MAST4: variants seen among roughly 807,000 people sequenced by gnomAD.
MAST4 encodes the protein microtubule associated serine/threonine kinase family member 4.
A neutral mutation model predicts 162.7 loss-of-function variants in MAST4; 89 were observed. The ratio of observed to expected loss-of-function variants is 0.55; its 90% CI spans 0.46 to 0.65. The LOEUF is 0.65. MAST4 is among the 30% of genes least tolerant of loss of function. The pLI is 0.00. For synonymous variants in MAST4, 1,479 were observed against 1,361.1 expected, an observed-to-expected ratio of 1.09 and a Z score of -1.91; for missense variants, 3,153 against 3,374.0, an observed-to-expected ratio of 0.93 and a Z score of 1.62.
rs1774324147 is a variant in MAST4 at position 67,168,830 on chromosome 5, G to C, written c.*1779G>C. 6.6e-6 allele frequency: 1 copy of C among 152,012 alleles called. No individual in the cohort carries two copies. The highest frequency in any genetic ancestry group is 2.4e-5 in the African/African-American group (1 of 41,366). The allele number at this position is 152,012 out of a possible 1,614,324, so 9.4% of individuals were successfully genotyped here. On this transcript the variant is annotated 3_prime_UTR_variant, in exon 29 of 29. Transcript: ENST00000403625. ...CTATAAACTCCACTCTGAAAACAAA[G>C]GCATAACTTAACCGACTGCTCAGTT... is the stretch of plus-strand genomic sequence containing the variant.
In MAST4 at chr5:67,142,117, G is replaced by A; in HGVS notation, c.2497G>A (p.Gly833Ser). ...QNPLERLGTG[G>S]AYEVKQHRFF... ...TGTCTCTACCTGCCCCCTTCCAGGT[G>A]GTGCATATGAAGTCAAACAGCATCG... Residue 833 changes from glycine (G) to serine (S), a missense_variant and splice_region_variant, in exon 20 of 29, where the codon GGT becomes AGT. Physicochemically the swap from Gly to Ser is moderately conservative, Grantham distance 56. Coordinates refer to ENST00000403625, the MANE Select transcript of MAST4 (RefSeq NM_001164664.2). The A allele has an allele frequency of 1.2e-6, 2 of 1,613,510 alleles. No individual in the cohort carries two copies. Among genetic ancestry groups the A allele is most frequent in the South Asian group, 1.1e-5 (1 of 91,050 alleles).
chr5:66,970,925 T>C (rs1326124084), intron 4 of MAST4, among the ~76,000 whole-genome samples: 2 of 152,206 alleles, frequency 1.3e-5, no homozygotes, highest in African/African-American at 2.4e-5. Flanking sequence ...TTTTCCAGTG[T>C]GATGCTCAAA....
intron 1 of MAST4, among the ~76,000 whole-genome samples, chr5:66,598,542 C>T (rs1045557554): frequency 2.6e-5 from 4 of 152,216 alleles, no homozygotes; most frequent in African/African-American, 9.6e-5. Flanking sequence ...TGATCAAACC[C>T]TGTACTGCCC....
chr5:66,647,435 G>A (rs77583119), intron 1 of MAST4, among the ~76,000 whole-genome samples: 2,902 of 151,986 alleles, frequency 0.019, 95 homozygotes, highest in African/African-American at 0.066. Flanking sequence ...TTTACCAAGT[G>A]ACAGTGGGTA....
chr5:67,095,496 A>T, intron 6 of MAST4, 101 bp from the exon 7 acceptor site: 2 of 817,554 alleles, frequency 2.4e-6, no homozygotes, highest in Non-Finnish European at 3.9e-6. Context: ...CTCACAGACT[A>T]TGTTTGTGTC....
chr5:67,134,407 G>T, intron 17 of MAST4, 116 bp from the exon 18 acceptor site: 2 of 731,380 alleles, frequency 2.7e-6, no homozygotes, highest in South Asian at 2.4e-5. Flanking sequence ...TTGTCCATGT[G>T]GTTCCATGTG....
intron 1 of MAST4, among the ~76,000 whole-genome samples, chr5:66,613,359 T>C (rs1353126672): frequency 6.6e-6 from 1 of 150,884 alleles, no homozygotes; most frequent in Admixed American, 6.6e-5. Flanking sequence ...TGGGATAGCA[T>C]TGTCTTCCTC....
chr5:66,925,507 G>C (rs1369717663), intron 4 of MAST4, among the ~76,000 whole-genome samples: 2 of 152,072 alleles, frequency 1.3e-5, no homozygotes, highest in East Asian at 3.9e-4. Flanking sequence ...TCTTTGTTTT[G>C]CCTTAACACT....
chr5:66,985,790 C>T (rs1051068657), intron 4 of MAST4, among the ~76,000 whole-genome samples: 4 of 151,958 alleles, frequency 2.6e-5, no homozygotes, highest in Admixed American at 1.3e-4. Context: ...CTTCCTATGT[C>T]GTTGAATTAG....
intron 1 of MAST4, among the ~76,000 whole-genome samples, chr5:66,746,976 T>G (rs1752797232): frequency 6.6e-6 from 1 of 152,148 alleles, no homozygotes; most frequent in Non-Finnish European, 1.5e-5. Flanking sequence ...TTTAACATCT[T>G]TAGACTGTTG....
intron 1 of MAST4, among the ~76,000 whole-genome samples, chr5:66,598,634 T>G (rs7700850): frequency 0.53 from 80,091 of 152,092 alleles, 21,700 homozygotes; most frequent in East Asian, 0.66. Context: ...TGCCTCCACT[T>G]CTACAGATGA....
chr5:67,095,920 C>A (rs754323166), intron 7 of MAST4, among the ~76,000 whole-genome samples: 3 of 152,118 alleles, frequency 2.0e-5, no homozygotes, highest in Non-Finnish European at 4.4e-5. Context: ...TTGGAGGAAA[C>A]TGGAAGCTTT....
chr5:66,950,110 C>T (rs546610006), intron 4 of MAST4, among the ~76,000 whole-genome samples: 26 of 152,224 alleles, frequency 1.7e-4, no homozygotes, highest in Middle Eastern at 3.4e-3. Flanking sequence ...TCACCCCACC[C>T]TACCCCATAT....
In MAST4 at chr5:66,873,540, G is replaced by A. The variant is rs146478114; in HGVS notation, c.643-26411G>A. On this transcript the variant is annotated intron_variant, in intron 3 of 28. Coordinates refer to ENST00000403625, the MANE Select transcript of MAST4 (RefSeq NM_001164664.2). ...AGTCTACGTTGAAGAAGTGTGTTCC[G>A]ATAGAAATGTTTAGCTTTACAATGG... 3.0e-3 allele frequency among the ~76,000 whole-genome samples: 463 copies of A among 152,274 alleles called. 9 individuals carry two copies. The highest frequency in any genetic ancestry group is 0.014 in the Admixed American group (212 of 15,292).
In MAST4 at chr5:66,830,059, C is replaced by T. The variant is rs557643639; in HGVS notation, c.642+41265C>T. Reference sequence around the variant, plus strand: ...TTGTTTTCATCACCTCTATAAAGTTCTGGTAATGCACAGCTGTTTGTGTCC... The same window carrying T: ...TTGTTTTCATCACCTCTATAAAGTTTTGGTAATGCACAGCTGTTTGTGTCC... On this transcript the variant is annotated intron_variant, in intron 3 of 28. Coordinates refer to ENST00000403625, the MANE Select transcript of MAST4 (RefSeq NM_001164664.2). 5.9e-5 allele frequency among the ~76,000 whole-genome samples: 9 copies of T among 152,210 alleles called. No homozygotes were observed. In the South Asian group the frequency reaches 1.9e-3, roughly 32 times the overall value.
chr5:67,021,837 T>C lies in MAST4; in HGVS notation c.675-32567T>C, dbSNP rs572779539. Among the ~76,000 whole-genome samples, 19 of 152,302 alleles carry C rather than the reference T, an allele frequency of 1.2e-4. 1 individual carries two copies. The highest frequency in any genetic ancestry group is 6.2e-4 in the South Asian group (3 of 4,818). The stretch of plus-strand genomic sequence containing the variant: ...GCTTGATATTTTTTATTTTAAAAAA[T>C]GTATTGAGGAGTCATTTTTCAGGAT... On this transcript the variant is annotated intron_variant, in intron 4 of 28. Transcript: ENST00000403625.
At chr5:66,901,307 T>A (rs1762997352) in intron 4 of MAST4, among the ~76,000 whole-genome samples, 1 of 152,048 alleles carries the variant, frequency 6.6e-6, no homozygotes, top group African/African-American at 2.4e-5. Flanking sequence ...TGGGTTTTGT[T>A]TTTTGTTTCT....
intron 4 of MAST4, among the ~76,000 whole-genome samples, chr5:66,989,589 A>T (rs1158778161): frequency 6.6e-6 from 1 of 152,202 alleles, no homozygotes; most frequent in African/African-American, 2.4e-5. Flanking sequence ...ATGGTGAAGC[A>T]TAATTTTTTC....
chr5:67,146,780 T>C (rs886075313), intron 23 of MAST4, among the ~76,000 whole-genome samples: 18 of 152,192 alleles, frequency 1.2e-4, no homozygotes, highest in Non-Finnish European at 2.2e-4. Flanking sequence ...CTTATCCTAA[T>C]CATAAAGCCA....
Sources: gnomAD v4.1 joint callset for allele counts (sites outside exome capture counted in the v4.1 genomes callset) on GRCh38, gnomAD v4.1.1 for gene constraint, MANE v1.5 for transcripts, NCBI Gene and HGNC (gene_info 2026-07-23, HGNC 2026-07-21) for gene names.